The following CEP152 variants were observed in gnomAD, a reference collection of about 807,000 sequenced individuals.
CEP152 encodes centrosomal protein of 152 kDa.
CEP152 carries 132 observed loss-of-function variants against 188.9 expected under a neutral mutation model. The observed-to-expected ratio is 0.70, with a 90% CI of 0.61 to 0.81. The LOEUF is 0.81. CEP152 is among the 30% of genes least tolerant of loss of function. The probability of loss-of-function intolerance (pLI) is 0.00; values close to 1 mark genes in which losing one functional copy is unlikely to be tolerated. For missense variants in CEP152, 1,914 were observed against 1,969.8 expected, an observed-to-expected ratio of 0.97 and a Z score of 0.54; for synonymous variants, 649 against 666.6, an observed-to-expected ratio of 0.97 and a Z score of 0.41.
At chr15:48,739,325 T>A (rs1057587) in intron 26 of CEP152, 37 bp from the exon 27 acceptor site, 3 of 1,572,282 alleles carry the variant, frequency 1.9e-6, no homozygotes, top group East Asian at 2.3e-5. Flanking sequence ...TAAGAGAAAA[T>A]TAATATTTAA....
intron 22 of CEP152, 94 bp from the exon 23 acceptor site, chr15:48,745,086 CTG>C (rs1314983713): frequency 8.2e-6 from 7 of 855,534 alleles, no homozygotes; most frequent in African/African-American, 1.8e-5. Context: ...ATAGAAGAGA[CTG>C]TGCAATTTCC....
At chr15:48,780,495 T>C (rs939678062) in intron 12 of CEP152, among the ~76,000 whole-genome samples, 2 of 152,216 alleles carry the variant, frequency 1.3e-5, no homozygotes, top group Non-Finnish European at 2.9e-5. Flanking sequence ...TTAAACACTC[T>C]CTGGAAACTA....
chr15:48,805,652 T>A lies in CEP152; in HGVS notation c.-3A>T. 1 of 1,613,252 alleles carries A rather than the reference T, an allele frequency of 6.2e-7. No individual in the cohort carries two copies. The highest frequency in any genetic ancestry group is 8.5e-7 in the Non-Finnish European group (1 of 1,179,598). On this transcript the variant is annotated 5_prime_UTR_variant, in exon 2 of 27. Coordinates refer to ENST00000380950, the MANE Select transcript of CEP152 (RefSeq NM_001194998.2). ...ACACTGCCAAAGTCTAATGACATGG[T>A]CCTCCTGTGGGAAGGGAAAGATGTT...
At chr15:48,794,564 C>A (rs1407575619) in intron 6 of CEP152, among the ~76,000 whole-genome samples, 9 of 152,166 alleles carry the variant, frequency 5.9e-5, no homozygotes, top group Non-Finnish European at 1.2e-4. Context: ...TAATTTGGCA[C>A]TACCATTAAG....
chr15:48,751,161 T>C (rs1893848699), intron 21 of CEP152, among the ~76,000 whole-genome samples: 1 of 152,226 alleles, frequency 6.6e-6, no homozygotes, highest in Admixed American at 6.5e-5. Context: ...TCCTTTCTAA[T>C]GAATTTATTA....
At chr15:48,793,585 A>G (rs991901940) in intron 6 of CEP152, 124 bp from the exon 7 acceptor site, 12 of 806,326 alleles carry the variant, frequency 1.5e-5, no homozygotes, top group Non-Finnish European at 2.4e-5. Context: ...AATTCAGTGA[A>G]TTGTGACTAG....
chr15:48,764,807 T>TA (rs778967459), intron 17 of CEP152, among the ~76,000 whole-genome samples: 12 of 152,074 alleles, frequency 7.9e-5, no homozygotes, highest in Non-Finnish European at 1.0e-4. Context: ...GCATGAAACA[T>TA]AAAAAAACAC....
chr15:48,750,637 C>T (rs750326980), intron 21 of CEP152, among the ~76,000 whole-genome samples: 6 of 152,042 alleles, frequency 3.9e-5, no homozygotes, highest in East Asian at 1.9e-4. Flanking sequence ...TATATTCATA[C>T]ACTGAAATAC....
intron 22 of CEP152, among the ~76,000 whole-genome samples, chr15:48,746,789 T>C (rs1488786251): frequency 6.6e-6 from 1 of 152,084 alleles, no homozygotes; most frequent in Admixed American, 6.6e-5. Context: ...ATGGTGAATG[T>C]TATAAAAAGC....
rs1895179490 is a variant in CEP152 at position 48,767,155 on chromosome 15, C to G, written c.2185G>C (p.Val729Leu). ...LDKLNKEVTA[V>L]QECYLEVCRE... is the part of the protein sequence containing the mutation. Reference sequence around the variant, plus strand: ...CACACTTCTAGGTAACATTCCTGCACAGCAGTCACCTCCTTATTCAACTTA... The same window carrying G: ...CACACTTCTAGGTAACATTCCTGCAGAGCAGTCACCTCCTTATTCAACTTA... Residue 729 changes from valine to leucine, a missense_variant, in exon 17 of 27, where the codon GTG becomes CTG. By Grantham distance (32) the Val-to-Leu change is conservative. Coordinates refer to ENST00000380950, the MANE Select transcript of CEP152 (RefSeq NM_001194998.2). The G allele has an allele frequency of 1.2e-6, 2 of 1,613,720 alleles. No individual in the cohort carries two copies. Among genetic ancestry groups the G allele is most frequent in the African/African-American group, 2.7e-5 (2 of 74,910 alleles).
chr15:48,773,544 G>T (rs1438128555), intron 12 of CEP152: 3 of 152,208 alleles, frequency 2.0e-5, no homozygotes, highest in African/African-American at 7.2e-5. Flanking sequence ...TGGGGAAAAA[G>T]AAGCTGCACA....
At chr15:48,787,430 C>T (rs886687082) in intron 9 of CEP152, among the ~76,000 whole-genome samples, 19 of 152,086 alleles carry the variant, frequency 1.2e-4, no homozygotes, top group Non-Finnish European at 2.5e-4. Context: ...CTCAACCTCC[C>T]GAAGTGCTGG....
chr15:48,739,161 G>A lies in CEP152; in HGVS notation c.4221C>T (p.Cys1407=), dbSNP rs200785234. The part of the protein sequence containing the change: ...NSVNTITRTL[C]EQAPKRRAAC... ...CTGCCCTCCTCTTGGGAGCTTGTTC[G>A]CACAGAGTTCTGGTGATGGTGTTTA... is the stretch of plus-strand genomic sequence containing the variant. Residue 1407 remains cysteine, a synonymous_variant, in exon 27 of 27, where the codon TGC becomes TGT. Coordinates refer to ENST00000380950, the MANE Select transcript of CEP152 (RefSeq NM_001194998.2). The A allele has an allele frequency of 3.5e-5, 57 of 1,614,024 alleles. No homozygotes were observed. The highest frequency in any genetic ancestry group is 8.8e-5 in the South Asian group (8 of 91,080).
Position 48,738,910 on chromosome 15 carries a change from G to A in CEP152, c.4472C>T (p.Pro1491Leu), listed in dbSNP as rs764880513. The change falls in exon 27 of 27, where the codon CCG becomes CTG. Residue 1491 changes from proline (P) to leucine (L), a missense_variant. Coordinates refer to ENST00000380950, the MANE Select transcript of CEP152 (RefSeq NM_001194998.2). ...LLSDNGSESL[P>L]HSAAYPFLGT... ...AAGAAAGGGGTATGCAGCTGAATGC[G>A]GAAGTGATTCAGAACCATTATCACT... is the stretch of plus-strand genomic sequence containing the variant. The A allele has an allele frequency of 4.4e-5, 71 of 1,614,064 alleles. No individual in the cohort carries two copies. Among genetic ancestry groups the A allele is most frequent in the South Asian group, 2.6e-4 (24 of 91,082 alleles).
At chr15:48,787,979 T>C (rs183942169) in intron 9 of CEP152, among the ~76,000 whole-genome samples, 1 of 152,338 alleles carries the variant, frequency 6.6e-6, no homozygotes, top group East Asian at 1.9e-4. Flanking sequence ...GACTGTCTTA[T>C]TTTATAAATT....
intron 2 of CEP152, among the ~76,000 whole-genome samples, chr15:48,730,995 T>C (rs949265879): frequency 1.3e-5 from 2 of 152,160 alleles, no homozygotes; most frequent in African/African-American, 2.4e-5. Flanking sequence ...AAAAAAGCTG[T>C]CAAGAAAAAC....
At chr15:48,732,315 A>G (rs1892448082) in intron 2 of CEP152, among the ~76,000 whole-genome samples, 1 of 152,264 alleles carries the variant, frequency 6.6e-6, no homozygotes, top group Non-Finnish European at 1.5e-5. Flanking sequence ...TAGATAAAGA[A>G]AATGTGGTAC....
chr15:48,760,614 T>C lies in CEP152; in HGVS notation c.2563-348A>G, dbSNP rs150947995. Among the ~76,000 whole-genome samples, 463 of 152,274 alleles carry C rather than the reference T, an allele frequency of 3.0e-3. 7 individuals carry two copies. The highest frequency in any genetic ancestry group is 0.011 in the African/African-American group (440 of 41,558). The stretch of plus-strand genomic sequence containing the variant: ...TCCTGGAGGACTGCTTGGTGCCAAC[T>C]GCTGTCTAATCACTACACCCACCAC... On this transcript the variant is annotated intron_variant, in intron 18 of 26. Coordinates refer to ENST00000380950, the MANE Select transcript of CEP152 (RefSeq NM_001194998.2).
chr15:48,791,773 T>C (rs1222652959), intron 7 of CEP152, among the ~76,000 whole-genome samples: 1 of 151,476 alleles, frequency 6.6e-6, no homozygotes, highest in Non-Finnish European at 1.5e-5. Context: ...CACCTTGGCC[T>C]CCCAAAGTGC....
Sources: allele counts gnomAD v4.1 joint callset (sites outside exome capture counted in the v4.1 genomes callset), GRCh38; gene constraint gnomAD v4.1.1; transcripts MANE v1.5; gene names NCBI Gene and HGNC (gene_info 2026-07-23, HGNC 2026-07-21).